The following ARK2N variants were observed in gnomAD, a reference collection of about 807,000 sequenced individuals.
The protein encoded by ARK2N is arkadia (RNF111) N-terminal like PKA signaling regulator 2N, also known as protein ARK2N.
the ARK2N span, among the ~76,000 whole-genome samples, chr18:46,181,420 A>G: frequency 1.3e-5 from 2 of 152,158 alleles, no homozygotes; most frequent in African/African-American, 4.8e-5. Flanking sequence ...AAGAATGTAT[A>G]TAACCTAGAA....
the ARK2N span, among the ~76,000 whole-genome samples, chr18:46,236,190 A>G: frequency 1.3e-5 from 2 of 152,174 alleles, no homozygotes; most frequent in African/African-American, 4.8e-5. Flanking sequence ...ATTATTTTTT[A>G]ATAGTAGAAA....
At chr18:46,200,316 GT>G in the ARK2N span, among the ~76,000 whole-genome samples, 1 of 150,180 alleles carries the variant, frequency 6.7e-6, no homozygotes, top group Non-Finnish European at 1.5e-5. Context: ...TTGTTCGTTT[GT>G]TTTTTTTTAA....
At chr18:46,243,443 C>T in the ARK2N span, among the ~76,000 whole-genome samples, 1 of 152,108 alleles carries the variant, frequency 6.6e-6, no homozygotes, top group Non-Finnish European at 1.5e-5. Flanking sequence ...CAGCCCCATC[C>T]CATTTAGGAT....
chr18:46,258,143 C>T, the ARK2N span, among the ~76,000 whole-genome samples: 2 of 152,050 alleles, frequency 1.3e-5, no homozygotes, highest in Non-Finnish European at 1.5e-5. Flanking sequence ...CCCGGCTGGT[C>T]GCGAACTCCT....
chr18:46,199,651 A>G, the ARK2N span, among the ~76,000 whole-genome samples: 1 of 152,034 alleles, frequency 6.6e-6, no homozygotes, highest in Non-Finnish European at 1.5e-5. Flanking sequence ...AGATTACTGT[A>G]GGAGATTTGG....
At chr18:46,223,442 T>G in the ARK2N span, among the ~76,000 whole-genome samples, 13 of 152,214 alleles carry the variant, frequency 8.5e-5, no homozygotes, top group African/African-American at 3.1e-4. Flanking sequence ...AATGTTTGTC[T>G]CACAGCCTTT....
At chr18:46,260,994 C>G in the ARK2N span, among the ~76,000 whole-genome samples, 1 of 152,150 alleles carries the variant, frequency 6.6e-6, no homozygotes, top group Non-Finnish European at 1.5e-5. Flanking sequence ...ACAATTGGGA[C>G]TATATACTTC....
At chr18:46,240,320 T>A in the ARK2N span, 1 of 962,746 alleles carries the variant, frequency 1.0e-6, no homozygotes, top group Non-Finnish European at 1.5e-6. Context: ...TGGTTGTGAC[T>A]ATCCAGGCTG....
At chr18:46,258,976 G>A in the ARK2N span, among the ~76,000 whole-genome samples, 787 of 151,238 alleles carry the variant, frequency 5.2e-3, 9 homozygotes, top group African/African-American at 0.017. Flanking sequence ...TATTTCTCTA[G>A]CACCCTTCTG....
chr18:46,215,685 AAT>A, the ARK2N span: 52 of 442,658 alleles, frequency 1.2e-4, no homozygotes, highest in East Asian at 1.8e-4. Context: ...AGCAGATAAT[AAT>A]ATATATATAT....
At chr18:46,256,690 T>C in the ARK2N span, among the ~76,000 whole-genome samples, 1 of 152,232 alleles carries the variant, frequency 6.6e-6, no homozygotes, top group African/African-American at 2.4e-5. Flanking sequence ...TTTTAAAACC[T>C]CAGTGGTGGT....
At chr18:46,211,247 T>C in the ARK2N span, among the ~76,000 whole-genome samples, 2 of 152,156 alleles carry the variant, frequency 1.3e-5, no homozygotes, top group Admixed American at 6.5e-5. Flanking sequence ...CTTGCTCTGT[T>C]ATGCAGCCTG....
the ARK2N span, chr18:46,253,735 TCTG>T: frequency 0.26 from 421,488 of 1,613,126 alleles, 56,426 homozygotes; most frequent in East Asian, 0.41. Context: ...TGACAAAACA[TCTG>T]CTGGCAATGC....
chr18:46,194,050 C>T, the ARK2N span, among the ~76,000 whole-genome samples: 289 of 152,196 alleles, frequency 1.9e-3, 2 homozygotes, highest in Middle Eastern at 0.021. Context: ...GTTGCCCAGG[C>T]CAGAGTGCAA....
the ARK2N span, among the ~76,000 whole-genome samples, chr18:46,209,309 A>G: frequency 5.4e-4 from 48 of 89,432 alleles, no homozygotes; most frequent in African/African-American, 1.9e-3. Flanking sequence ...TTTTTTTTTT[A>G]CAAACCCCCA....
the ARK2N span, among the ~76,000 whole-genome samples, chr18:46,182,839 T>C: frequency 1.3e-5 from 2 of 152,058 alleles, no homozygotes; most frequent in African/African-American, 2.4e-5. Flanking sequence ...CTTTGACCTA[T>C]TTATAGAGTT....
At chr18:46,263,701 G>C in the ARK2N span, 4 of 152,724 alleles carry the variant, frequency 2.6e-5, no homozygotes, top group African/African-American at 9.7e-5. Flanking sequence ...GTTTGCTCCT[G>C]TTGACTTCCC....
the ARK2N span, chr18:46,262,789 G>A: frequency 1.2e-6 from 1 of 801,816 alleles, no homozygotes; most frequent in Admixed American, 2.4e-5. Flanking sequence ...TGGAGGGAAG[G>A]ATATTGATTG....
At chr18:46,221,969 G>C in the ARK2N span, among the ~76,000 whole-genome samples, 1 of 152,210 alleles carries the variant, frequency 6.6e-6, no homozygotes, top group Non-Finnish European at 1.5e-5. Flanking sequence ...CACTGACACA[G>C]AATAATCAGG....
Sources: allele counts gnomAD v4.1 joint callset (sites outside exome capture counted in the v4.1 genomes callset), GRCh38; gene constraint gnomAD v4.1.1; transcripts MANE v1.5; gene names NCBI Gene and HGNC (gene_info 2026-07-23, HGNC 2026-07-21).